Variants in ACBD6 observed in about 807,000 individuals in gnomAD.
ACBD6 encodes acyl-CoA binding domain containing 6, also known as acyl-CoA-binding domain-containing protein 6.
Under a neutral mutation model 37.2 loss-of-function variants are expected in ACBD6, and 28 were observed. The ratio of observed to expected loss-of-function variants is 0.75; its 90% CI spans 0.56 to 1.03. The LOEUF is 1.03. Ranked by LOEUF, ACBD6 falls within the 50% of genes least tolerant of loss-of-function variation. The pLI is 0.00. For synonymous variants in ACBD6, 113 were observed against 126.8 expected, an observed-to-expected ratio of 0.89 and a Z score of 0.73; for missense variants, 340 against 337.4, an observed-to-expected ratio of 1.01 and a Z score of -0.06.
At chr1:180,294,878 T>G (rs1334833672) in intron 7 of ACBD6, among the ~76,000 whole-genome samples, 1 of 152,042 alleles carries the variant, frequency 6.6e-6, no homozygotes, top group Non-Finnish European at 1.5e-5. Flanking sequence ...AAACATTTGT[T>G]GTAGAGATGG....
At chr1:180,436,034 A>G in intron 3 of ACBD6, 2 of 681,132 alleles carry the variant, frequency 2.9e-6, no homozygotes, top group Non-Finnish European at 5.1e-6. Flanking sequence ...TACGTCTGGA[A>G]TGCAAGTATT....
At chr1:180,277,126 C>T (rs6680361) in intron 9 of ACBD6, 119,879 of 152,122 alleles carry the variant, frequency 0.79, 47,959 homozygotes, top group East Asian at 0.97. Flanking sequence ...GCAGCAAACA[C>T]TGCTGCCTGT....
At chr1:180,347,366 T>TTG in intron 6 of ACBD6, among the ~76,000 whole-genome samples, 1 of 137,572 alleles carries the variant, frequency 7.3e-6, no homozygotes, top group South Asian at 2.2e-4. Flanking sequence ...GAAAGTTTTT[T>TTG]TTTTTTTTTT....
chr1:180,400,139 T>C (rs188856098), intron 5 of ACBD6, among the ~76,000 whole-genome samples: 1 of 152,308 alleles, frequency 6.6e-6, no homozygotes, highest in East Asian at 1.9e-4. Context: ...AGCAACACAT[T>C]TTACTGTTAA....
At chr1:180,311,617 C>A (rs1650597884) in intron 7 of ACBD6, among the ~76,000 whole-genome samples, 2 of 152,034 alleles carry the variant, frequency 1.3e-5, no homozygotes, top group African/African-American at 4.8e-5. Context: ...TAGCTGGAGG[C>A]AAGGCAGAAA....
intron 6 of ACBD6, among the ~76,000 whole-genome samples, chr1:180,396,860 T>C (rs1269047917): frequency 6.6e-6 from 1 of 152,208 alleles, no homozygotes; most frequent in Non-Finnish European, 1.5e-5. Context: ...TGAAAAATGG[T>C]GTAGCTCCTA....
At chr1:180,281,593 C>CTATT (rs554358466) in intron 8 of ACBD6, among the ~76,000 whole-genome samples, 5 of 152,148 alleles carry the variant, frequency 3.3e-5, no homozygotes, top group Non-Finnish European at 7.4e-5. Flanking sequence ...TAGAAGAATG[C>CTATT]TATTTCATTT....
intron 7 of ACBD6, among the ~76,000 whole-genome samples, chr1:180,312,885 TAAGTA>T (rs1295335400): frequency 6.6e-6 from 1 of 152,196 alleles, no homozygotes; most frequent in Non-Finnish European, 1.5e-5. Flanking sequence ...CAGTGTAAGT[TAAGTA>T]TTTTATCCCA....
At chr1:180,403,617 A>C (rs1201663747) in intron 5 of ACBD6, among the ~76,000 whole-genome samples, 1 of 152,220 alleles carries the variant, frequency 6.6e-6, no homozygotes, top group Non-Finnish European at 1.5e-5. Context: ...TCAAACAAAA[A>C]TTTGTACACC....
intron 3 of ACBD6, among the ~76,000 whole-genome samples, chr1:180,453,541 G>A (rs376129189): frequency 6.4e-4 from 97 of 152,252 alleles, no homozygotes; most frequent in African/African-American, 2.2e-3. Context: ...TGGAAGTTCT[G>A]GCCAGGGCAA....
intron 1 of ACBD6, among the ~76,000 whole-genome samples, chr1:180,499,524 T>A (rs755082206): frequency 6.6e-6 from 1 of 152,202 alleles, no homozygotes; most frequent in Admixed American, 6.5e-5. Context: ...TGACTACAGT[T>A]CACTGATGAC....
intron 6 of ACBD6, among the ~76,000 whole-genome samples, chr1:180,384,127 C>G (rs778816752): frequency 2.1e-5 from 3 of 142,772 alleles, no homozygotes; most frequent in Admixed American, 1.4e-4. Flanking sequence ...ACTTTGAAAG[C>G]AGAGATTAAA....
intron 6 of ACBD6, among the ~76,000 whole-genome samples, chr1:180,359,864 T>C (rs1652781047): frequency 6.6e-6 from 1 of 152,186 alleles, no homozygotes; most frequent in South Asian, 2.1e-4. Context: ...CTCTAGACTC[T>C]AGAGAAGACC....
chr1:180,481,484 C>T (rs545827809), intron 3 of ACBD6, among the ~76,000 whole-genome samples: 1 of 152,254 alleles, frequency 6.6e-6, no homozygotes, highest in South Asian at 2.1e-4. Context: ...GTGGCCTTTA[C>T]CATACTCAAA....
At chr1:180,462,841 C>A (rs1463985539) in intron 3 of ACBD6, among the ~76,000 whole-genome samples, 1 of 152,170 alleles carries the variant, frequency 6.6e-6, no homozygotes, top group African/African-American at 2.4e-5. Flanking sequence ...GTAAAACACT[C>A]CTCAGCAAAT....
At chr1:180,387,499 T>G (rs1001719712) in intron 6 of ACBD6, among the ~76,000 whole-genome samples, 2 of 152,208 alleles carry the variant, frequency 1.3e-5, no homozygotes, top group African/African-American at 4.8e-5. Flanking sequence ...AAGTCTAGGC[T>G]TCCCATTTGG....
At chr1:180,364,047 A>C (rs1652948200) in intron 6 of ACBD6, among the ~76,000 whole-genome samples, 1 of 152,088 alleles carries the variant, frequency 6.6e-6, no homozygotes, top group South Asian at 2.1e-4. Context: ...CTTTTTCTTT[A>C]CCTTTTTAAA....
chr1:180,373,130 G>C (rs761234258), intron 6 of ACBD6, among the ~76,000 whole-genome samples: 9 of 152,132 alleles, frequency 5.9e-5, no homozygotes, highest in Non-Finnish European at 1.2e-4. Context: ...CAATGTACAA[G>C]AAGTATTTTG....
chr1:180,287,109 C>T (rs1649527306), downstream of ACBD6: 1 of 152,042 alleles, frequency 6.6e-6, no homozygotes, highest in African/African-American at 2.4e-5. Flanking sequence ...GAGCCAGTTT[C>T]AAGAGTGGCA....
Sources: allele counts gnomAD v4.1 joint callset (sites outside exome capture counted in the v4.1 genomes callset), GRCh38; gene constraint gnomAD v4.1.1; transcripts MANE v1.5; gene names NCBI Gene and HGNC (gene_info 2026-07-23, HGNC 2026-07-21).